The following RBFOX3 variants were observed in gnomAD, a reference collection of about 807,000 sequenced individuals.
The protein encoded by RBFOX3 is RNA binding protein fox-1 homolog 3.
Under a neutral mutation model 48.7 loss-of-function variants are expected in RBFOX3, and 17 were observed. The ratio of observed to expected loss-of-function variants is 0.35; its 90% CI spans 0.24 to 0.52. The LOEUF (loss-of-function observed/expected upper bound fraction) is 0.52. RBFOX3 is among the 20% of genes least tolerant of loss of function. The probability of loss-of-function intolerance (pLI) is 0.94; values close to 1 mark genes in which losing one functional copy is unlikely to be tolerated. For synonymous variants in RBFOX3, 212 were observed against 209.5 expected, an observed-to-expected ratio of 1.01 and a Z score of -0.10; for missense variants, 382 against 497.5, an observed-to-expected ratio of 0.77 and a Z score of 2.21.
chr17:79,095,257 G>C (rs2074974857), intron 13 of RBFOX3, among the ~76,000 whole-genome samples: 1 of 151,990 alleles, frequency 6.6e-6, no homozygotes, highest in Non-Finnish European at 1.5e-5. Context: ...GGGGGCGGTG[G>C]GGGGACTGGG....
intron 2 of RBFOX3, among the ~76,000 whole-genome samples, chr17:79,407,428 G>A (rs1173382096): frequency 6.6e-6 from 1 of 152,268 alleles, no homozygotes; most frequent in Admixed American, 6.5e-5. Context: ...CTTCCCCTGG[G>A]GGAGGACAGG....
intron 2 of RBFOX3, among the ~76,000 whole-genome samples, chr17:79,325,895 G>A (rs989246140): frequency 6.6e-6 from 1 of 152,180 alleles, no homozygotes; most frequent in Non-Finnish European, 1.5e-5. Context: ...AAACCCACCC[G>A]GGAGCTGTCC....
At chr17:79,598,443 T>A (rs1285112755) in intron 1 of RBFOX3, 1 of 152,234 alleles carries the variant, frequency 6.6e-6, no homozygotes, top group Non-Finnish European at 1.5e-5. Context: ...TTAAGGACCT[T>A]AACTTAGAAT....
At chr17:79,518,500 G>T (rs2085578560) in intron 1 of RBFOX3, among the ~76,000 whole-genome samples, 1 of 152,252 alleles carries the variant, frequency 6.6e-6, no homozygotes, top group Non-Finnish European at 1.5e-5. Flanking sequence ...GGCTTGCTTA[G>T]GTGTCTCCAA....
chr17:79,426,550 G>A (rs1213265545), intron 2 of RBFOX3, among the ~76,000 whole-genome samples: 1 of 152,142 alleles, frequency 6.6e-6, no homozygotes, highest in African/African-American at 2.4e-5. Flanking sequence ...TGAGGGAACT[G>A]GAGTCCAAAA....
chr17:79,101,725 C>T, intron 8 of RBFOX3, 81 bp from the exon 9 acceptor site: 3 of 1,272,132 alleles, frequency 2.4e-6, no homozygotes, highest in Non-Finnish European at 2.2e-6. Context: ...CCCCGCCCTG[C>T]TCCGTTAGCC....
the RBFOX3 span, among the ~76,000 whole-genome samples, chr17:79,655,547 T>G: frequency 1.3e-5 from 2 of 152,270 alleles, no homozygotes; most frequent in Admixed American, 1.3e-4. Flanking sequence ...GTAAAACTCA[T>G]TTGGCAGCAA....
intron 2 of RBFOX3, among the ~76,000 whole-genome samples, chr17:79,419,531 C>T (rs782815197): frequency 9.2e-5 from 14 of 152,336 alleles, no homozygotes; most frequent in Non-Finnish European, 2.9e-5. Flanking sequence ...TTCAGAGGCG[C>T]TCAGGCGCTC....
intron 4 of RBFOX3, among the ~76,000 whole-genome samples, chr17:79,158,645 C>A (rs1382469809): frequency 2.0e-5 from 3 of 152,212 alleles, no homozygotes; most frequent in African/African-American, 7.2e-5. Flanking sequence ...CCGACCAAGG[C>A]TGGCAAGGAA....
intron 3 of RBFOX3, among the ~76,000 whole-genome samples, chr17:79,292,220 C>T (rs2073403929): frequency 2.0e-5 from 3 of 152,130 alleles, no homozygotes; most frequent in African/African-American, 7.2e-5. Flanking sequence ...ACCTGAAGAA[C>T]AGCTTCAGGT....
At chr17:79,371,527 A>T (rs2058539626) in intron 2 of RBFOX3, among the ~76,000 whole-genome samples, 1 of 151,762 alleles carries the variant, frequency 6.6e-6, no homozygotes, top group South Asian at 2.1e-4. Context: ...AAGGCAGAGC[A>T]CTCCTTGCTG....
intron 4 of RBFOX3, among the ~76,000 whole-genome samples, chr17:79,169,338 G>C (rs1160720597): frequency 2.6e-5 from 4 of 152,116 alleles, no homozygotes; most frequent in Non-Finnish European, 5.9e-5. Context: ...ATTCCATATA[G>C]GGGAAGGGCA....
intron 9 of RBFOX3, among the ~76,000 whole-genome samples, 191 bp downstream of exon 9, chr17:79,101,393 C>T (rs1027730946): frequency 2.6e-5 from 4 of 152,180 alleles, no homozygotes; most frequent in Non-Finnish European, 4.4e-5. Flanking sequence ...GAGTGGCCCC[C>T]AGCTCTCCTC....
In RBFOX3 at chr17:79,479,590, G is replaced by A. The variant is rs1217251720; in HGVS notation, c.-175+2864C>T. 2.6e-5 allele frequency among the ~76,000 whole-genome samples: 4 copies of A among 152,330 alleles called. No homozygotes were observed. The East Asian group carries it at 5.8e-4, about 22-fold the overall frequency. On this transcript the variant is annotated intron_variant, in intron 2 of 14. Transcript: ENST00000693108. The surrounding 1 kb of genome is among the most constrained non-coding windows in gnomAD (Gnocchi z 5.1). ...CAAGGGGCTGGACAGTGAACACACC[G>A]AGGGAAGCAGCTCAGGTCCAAAAGA...
intron 4 of RBFOX3, among the ~76,000 whole-genome samples, chr17:79,122,588 C>T (rs1010626364): frequency 1.3e-5 from 2 of 152,204 alleles, no homozygotes; most frequent in African/African-American, 2.4e-5. Flanking sequence ...GAAAAGGGAA[C>T]CCTCATACAC....
chr17:79,600,608 G>A (rs1177853641), intron 1 of RBFOX3: 2 of 152,154 alleles, frequency 1.3e-5, no homozygotes, highest in Admixed American at 1.3e-4. Context: ...TTCAGGCTCT[G>A]ACTCTGATGG....
chr17:79,508,760 A>G (rs1747710635), intron 1 of RBFOX3: 1 of 151,910 alleles, frequency 6.6e-6, no homozygotes, highest in Admixed American at 6.6e-5. Context: ...CACCCCGCAC[A>G]CCCCACACAC....
At chr17:79,639,572 A>G in the RBFOX3 span, among the ~76,000 whole-genome samples, 2 of 152,224 alleles carry the variant, frequency 1.3e-5, no homozygotes, top group Admixed American at 6.5e-5. Flanking sequence ...TCTGATGAAC[A>G]TAGATGCAAA....
chr17:79,439,124 A>G (rs548906210), intron 2 of RBFOX3, among the ~76,000 whole-genome samples: 4 of 152,356 alleles, frequency 2.6e-5, no homozygotes, highest in African/African-American at 4.8e-5. Context: ...GCCCGGCGTG[A>G]TAAATAGCAG....
Sources: allele counts gnomAD v4.1 joint callset (sites outside exome capture counted in the v4.1 genomes callset), GRCh38; gene constraint gnomAD v4.1.1; non-coding constraint Gnocchi (gnomAD v3.1); transcripts MANE v1.5; gene names NCBI Gene and HGNC (gene_info 2026-07-23, HGNC 2026-07-21).